LMAN1L: variants seen among roughly 807,000 people sequenced by gnomAD.
LMAN1L encodes the protein protein ERGIC-53-like.
In LMAN1L, 60 loss-of-function variants were observed where a neutral mutation model predicts 58.3. That is an observed-to-expected ratio of 1.03 (90% CI 0.84 to 1.27). The LOEUF (loss-of-function observed/expected upper bound fraction) is 1.27, where lower values mean the gene tolerates loss of function less well. Ranked by LOEUF, LMAN1L falls within the 50% of genes most tolerant of loss-of-function variation. LMAN1L has a pLI of 0.00. For missense variants in LMAN1L, 629 were observed against 674.0 expected (o/e 0.93, Z 0.74); for synonymous variants, 280 against 271.6 (o/e 1.03, Z -0.31).
In LMAN1L at chr15:74,821,862, C is replaced by G. The variant is rs1380137002; in HGVS notation, c.1093C>G (p.Pro365Ala). 1.2e-6 allele frequency: 2 copies of G among 1,613,110 alleles called. No individual in the cohort carries two copies. The highest frequency in any genetic ancestry group is 1.3e-5 in the African/African-American group (1 of 74,886). ...TGCTTCCTGCCAGATTCCATCCACCCCAGGGAGGGGTGGCCACCTCTCCAT... is the reference window on the plus strand; with the variant it reads ...TGCTTCCTGCCAGATTCCATCCACCGCAGGGAGGGGTGGCCACCTCTCCAT... ...LDASCQIPST[P>A]GRGGHLSMSL... The change falls in exon 10 of 14, where the codon CCA becomes GCA. Residue 365 changes from proline (P) to alanine (A), a missense_variant. By Grantham distance (27) the Pro-to-Ala change is conservative (BLOSUM62 -1). Transcript: ENST00000309664.
intron 4 of LMAN1L, among the ~76,000 whole-genome samples, chr15:74,817,582 A>G (rs550998715): frequency 1.3e-5 from 2 of 152,338 alleles, no homozygotes; most frequent in African/African-American, 4.8e-5. Flanking sequence ...CCTGTCAGGG[A>G]GGCAGCCTGG....
In LMAN1L at chr15:74,821,879, C is replaced by A; in HGVS notation, c.1110C>A (p.His370Gln). 1 of 1,611,968 alleles carries A rather than the reference C, an allele frequency of 6.2e-7. No individual in the cohort carries two copies. Among genetic ancestry groups the A allele is most frequent in the Non-Finnish European group, 8.5e-7 (1 of 1,178,194 alleles). Residue 370 changes from histidine to glutamine, a missense_variant, in exon 10 of 14, where the codon CAC becomes CAA. By Grantham distance (24) the His-to-Gln change is conservative (BLOSUM62 0). This residue lies in a region of LMAN1L where 573 missense variants were observed against 597.3 expected (regional missense o/e 0.96). Coordinates refer to ENST00000309664, the MANE Select transcript of LMAN1L (RefSeq NM_021819.3). ...QIPSTPGRGG[H>Q]LSMSLNKDSA... ...CATCCACCCCAGGGAGGGGTGGCCA[C>A]CTCTCCATGTCACTCAATAAGGTAG...
At chr15:74,819,108 G>A in intron 5 of LMAN1L, 44 bp from the exon 6 acceptor site, 2 of 1,564,846 alleles carry the variant, frequency 1.3e-6, no homozygotes, top group South Asian at 2.4e-5. Context: ...GGGAGTCAGA[G>A]GTAGGGACAC....
Position 74,818,702 on chromosome 15 carries a change from A to C in LMAN1L, c.498-16A>C. On this transcript the variant is annotated splice_polypyrimidine_tract_variant and intron_variant, in intron 4 of 13. Transcript: ENST00000309664. ...ACTCTTTCTCAAAAACAAACAAATG[A>C]ACAAACTGCCCACAGGGATGGAGCT... 6.3e-7 allele frequency: 1 copy of C among 1,587,562 alleles called. No homozygotes were observed. The highest frequency in any genetic ancestry group is 1.1e-5 in the South Asian group (1 of 87,548).
intron 4 of LMAN1L, 112 bp downstream of exon 4, chr15:74,816,802 G>T: frequency 1.9e-6 from 2 of 1,048,188 alleles, no homozygotes; most frequent in Non-Finnish European, 1.4e-6. Flanking sequence ...CCACCCTGCC[G>T]GGCCGCCATA....
chr15:74,819,430 C>G, intron 6 of LMAN1L, 158 bp downstream of exon 6: 1 of 923,722 alleles, frequency 1.1e-6, no homozygotes, highest in Non-Finnish European at 1.6e-6. Context: ...TTGAGACTTG[C>G]AAGTCTCAAA....
At position 74,813,159 on chromosome 15, in the gene LMAN1L, C is replaced by T. The variant is rs1032497826; in HGVS notation, c.175+130C>T. On this transcript the variant is annotated intron_variant, in intron 1 of 13. Transcript: ENST00000309664. ...GGTGGGGCAAGGCCTGGGACAGTGC[C>T]AGGCACCCCAGGACCCCTTCCAGGC... 3.1e-6 allele frequency: 3 copies of T among 964,540 alleles called. No individual in the cohort carries two copies. The African/African-American group carries it at 4.8e-5, about 16-fold the overall frequency. 59.7% of individuals were successfully genotyped at this position (964,540 alleles called of 1,614,324 possible). A position where few individuals can be genotyped will look rare whatever the true frequency, so the allele number is the denominator to read the frequency against.
intron 13 of LMAN1L, 63 bp from the exon 14 acceptor site, chr15:74,825,413 T>A: frequency 6.4e-7 from 1 of 1,554,416 alleles, no homozygotes; most frequent in South Asian, 1.2e-5. Flanking sequence ...ATGAGAGTCC[T>A]GGTTTTTCAA....
rs1596381458 is a variant in LMAN1L, at chr15:74,825,546, A to C, written c.1522A>C (p.Thr508Pro). 1.2e-6 allele frequency: 2 copies of C among 1,612,966 alleles called. No homozygotes were observed. The highest frequency in any genetic ancestry group is 8.5e-7 in the Non-Finnish European group (1 of 1,179,572). The change falls in exon 14 of 14, where the codon ACC (threonine) becomes CCC (proline). Residue 508 changes from threonine (T) to proline (P), a missense_variant. Transcript: ENST00000309664. ...GSLPLGPAPH[T>P]PRALGILRRQ... Reference sequence around the variant, plus strand: ...CCTTCCTCTGGGTCCTGCACCACACACCCCCAGGGCCCTGGGGATTCTGAG... The same window carrying C: ...CCTTCCTCTGGGTCCTGCACCACACCCCCCCAGGGCCCTGGGGATTCTGAG...
chr15:74,815,539 A>C (rs7176022), intron 1 of LMAN1L, among the ~76,000 whole-genome samples: 99,962 of 152,084 alleles, frequency 0.66, 33,249 homozygotes, highest in Middle Eastern at 0.72. Flanking sequence ...CTTTCATCGC[A>C]GTCCTGTGGG....
chr15:74,821,860 C>T lies in LMAN1L; in HGVS notation c.1091C>T (p.Thr364Ile), dbSNP rs1390010602. The change falls in exon 10 of 14, where the codon ACC becomes ATC. Residue 364 changes from threonine (T) to isoleucine (I), a missense_variant. By Grantham distance (89) the Thr-to-Ile change is moderately conservative. Transcript: ENST00000309664. ...GATGCTTCCTGCCAGATTCCATCCA[C>T]CCCAGGGAGGGGTGGCCACCTCTCC... ...ALDASCQIPS[T>I]PGRGGHLSMS... 6.2e-7 allele frequency: 1 copy of T among 1,613,140 alleles called. No individual in the cohort carries two copies. The highest frequency in any genetic ancestry group is 8.5e-7 in the Non-Finnish European group (1 of 1,179,320).
Position 74,816,281 on chromosome 15 carries a change from G to A in LMAN1L, c.300G>A (p.Thr100=), listed in dbSNP as rs775300185. The change falls in exon 2 of 14, where the codon ACG becomes ACA. Residue 100 remains threonine, a synonymous_variant. Transcript: ENST00000309664. ...AWEVEVQMRV[T]GLGRRGAQGM... Reference sequence around the variant, plus strand: ...AAGTAGAGGTGCAGATGAGGGTGACGGGACTGGGGCGCCGGGGAGCCCAGG... The same window carrying A: ...AAGTAGAGGTGCAGATGAGGGTGACAGGACTGGGGCGCCGGGGAGCCCAGG... The A allele has an allele frequency of 6.2e-6, 10 of 1,612,194 alleles. No homozygotes were observed. The highest frequency in any genetic ancestry group is 1.7e-4 in the Middle Eastern group (1 of 6,058).
rs967610227 is a variant in LMAN1L at position 74,823,489 on chromosome 15, A to G, written c.1200-70A>G. The G allele has an allele frequency of 3.2e-6, 5 of 1,568,730 alleles. No homozygotes were observed. In the African/African-American group the frequency reaches 5.4e-5, roughly 17 times the overall value. ...TGTGCTGCCCTTGGGGAGATGGGAA[A>G]TGATTAGGCCATCTGGGTGGAAGCA... On this transcript the variant is annotated intron_variant, in intron 11 of 13. Transcript: ENST00000309664.
At chr15:74,816,029 C>T (rs1038863420) in intron 1 of LMAN1L, 128 bp from the exon 2 acceptor site, 26 of 1,201,032 alleles carry the variant, frequency 2.2e-5, no homozygotes, top group African/African-American at 1.5e-5. Flanking sequence ...CCTGGCTGGC[C>T]GCTTATTTAA....
intron 13 of LMAN1L, 194 bp from the exon 14 acceptor site, chr15:74,825,282 C>A: frequency 3.6e-6 from 2 of 560,982 alleles, no homozygotes; most frequent in Non-Finnish European, 6.4e-6. Flanking sequence ...CAGCCTGGAG[C>A]CACTAGGACA....
chr15:74,823,477 G>A (rs2063926349), intron 11 of LMAN1L, 82 bp from the exon 12 acceptor site: 1 of 1,508,010 alleles, frequency 6.6e-7, no homozygotes, highest in Non-Finnish European at 9.1e-7. Flanking sequence ...GCTGCCCTTG[G>A]GGAGATGGGA....
chr15:74,821,406 G>T (rs184823968), intron 9 of LMAN1L, among the ~76,000 whole-genome samples, 180 bp downstream of exon 9: 19 of 152,190 alleles, frequency 1.2e-4, no homozygotes, highest in Non-Finnish European at 4.4e-5. Flanking sequence ...AAGCAAATGC[G>T]CACGGGGCTG....
chr15:74,822,490 A>G (rs2063921530), intron 10 of LMAN1L, 152 bp from the exon 11 acceptor site: 2 of 616,758 alleles, frequency 3.2e-6, no homozygotes, highest in South Asian at 3.9e-5. Context: ...CTTATGGATG[A>G]GGTCAGAGAA....
chr15:74,823,681 C>A lies in LMAN1L; in HGVS notation c.1322C>A (p.Ala441Glu), dbSNP rs199747236. ...GLLQEELRGP[A>E]KAAAKAPRPP... ...CTGCAGGAGGAGCTTCGGGGCCCGG[C>A]GGTGAGGGGAAAGTAGTGGGCAGCA... Residue 441 changes from alanine to glutamate, a missense_variant and splice_region_variant, in exon 12 of 14, where the codon GCG (alanine) becomes GAG (glutamate). This residue lies in a region of LMAN1L where 573 missense variants were observed against 597.3 expected (regional missense o/e 0.96). Transcript: ENST00000309664. 3.7e-6 allele frequency: 6 copies of A among 1,612,820 alleles called. No individual in the cohort carries two copies. Among genetic ancestry groups the A allele is most frequent in the South Asian group, 3.3e-5 (3 of 91,056 alleles).
Sources: gnomAD v4.1 joint callset for allele counts (sites outside exome capture counted in the v4.1 genomes callset) on GRCh38, gnomAD v4.1.1 for gene constraint, gnomAD v4.1.1 regional missense constraint, MANE v1.5 for transcripts, NCBI Gene and HGNC (gene_info 2026-07-23, HGNC 2026-07-21) for gene names.